TEX11: variants seen among roughly 807,000 people sequenced by gnomAD.
The protein encoded by TEX11 is testis expressed 11, also known as testis-expressed protein 11.
A neutral mutation model predicts 84.4 loss-of-function variants in TEX11; 7 were observed. That is an observed-to-expected ratio of 0.08 (90% CI 0.05 to 0.16). TEX11 has a LOEUF of 0.16. Ranked by LOEUF, TEX11 falls within the 10% of genes least tolerant of loss-of-function variation. TEX11 has a pLI of 1.00. For missense variants in TEX11, 551 were observed against 660.5 expected (o/e 0.83, Z 1.82); for synonymous variants, 264 against 222.8 (o/e 1.18, Z -1.64).
chrX:70,905,045 A>G lies in TEX11; in HGVS notation c.37+2708T>C, dbSNP rs758892515. ...AGGCCGGGTGCAGTGGCTCAAGGCC[A>G]GGAGCAGTGGCTCTCACCTGTAATC... On this transcript the variant is annotated intron_variant, in intron 2 of 29. Coordinates refer to ENST00000374333, the MANE Select transcript of TEX11 (RefSeq NM_031276.3). Among the ~76,000 whole-genome samples the G allele has an allele frequency of 7.1e-5, 8 of 112,405 alleles. No individual in the cohort carries two copies. In the East Asian group the frequency reaches 2.0e-3, roughly 27 times the overall value.
Position 70,860,888 on chromosome X carries a change from G to A in TEX11, c.293C>T (p.Ala98Val). ...CAGTCGTTGAATACTTTGTTCTGAG[G>A]CAAATGAGGCTTCACACATACTCAG... Reference protein sequence around the residue: ...KLLSMCEASFASEQSIQRLIM... With the variant: ...KLLSMCEASFVSEQSIQRLIM... Residue 98 changes from alanine to valine, a missense_variant, in exon 5 of 30, where the codon GCC becomes GTC. Physicochemically the swap from Ala to Val is moderately conservative, Grantham distance 64. Coordinates refer to ENST00000374333, the MANE Select transcript of TEX11 (RefSeq NM_031276.3). 8.4e-7 allele frequency: 1 copy of A among 1,190,961 alleles called. No individual in the cohort carries two copies. Among genetic ancestry groups the A allele is most frequent in the Non-Finnish European group, 1.1e-6 (1 of 886,886 alleles).
downstream of TEX11, among the ~76,000 whole-genome samples, chrX:70,527,295 G>A (rs1306455723): frequency 8.9e-6 from 1 of 112,088 alleles, no homozygotes; most frequent in Admixed American, 9.5e-5. Flanking sequence ...TTACATTGGA[G>A]AGACCTGGCA....
chrX:70,790,031 C>T (rs183745533), intron 9 of TEX11, among the ~76,000 whole-genome samples: 17 of 112,169 alleles, frequency 1.5e-4, no homozygotes, highest in African/African-American at 5.2e-4. Flanking sequence ...AAGTCCAGCA[C>T]GGAGAGTCAA....
chrX:70,515,114 G>T, the TEX11 span, among the ~76,000 whole-genome samples: 3,615 of 110,192 alleles, frequency 0.033, 135 homozygotes, highest in African/African-American at 0.11. Flanking sequence ...AGGACATTTA[G>T]AAATTCTTTT....
intron 28 of TEX11, among the ~76,000 whole-genome samples, chrX:70,538,207 A>G (rs780537703): frequency 5.8e-4 from 65 of 111,555 alleles, no homozygotes; most frequent in African/African-American, 2.0e-3. Context: ...TGGGGGTTGA[A>G]TGAGGTTATG....
At chrX:70,610,579 C>T in intron 20 of TEX11, 36 bp from the exon 21 acceptor site, 3 of 1,144,158 alleles carry the variant, frequency 2.6e-6, no homozygotes, top group Middle Eastern at 2.7e-4. Flanking sequence ...CCAACTGCTC[C>T]AAATCTTTAC....
At chrX:70,818,085 T>C (rs2091299086) in intron 8 of TEX11, among the ~76,000 whole-genome samples, 1 of 110,228 alleles carries the variant, frequency 9.1e-6, no homozygotes, top group South Asian at 3.9e-4. Context: ...ACCCAGGAGA[T>C]CAAGTCCAGC....
At chrX:70,581,588 G>A (rs762508092) in intron 25 of TEX11, among the ~76,000 whole-genome samples, 2 of 110,828 alleles carry the variant, frequency 1.8e-5, no homozygotes, top group South Asian at 3.9e-4. Flanking sequence ...ATAAGCCACC[G>A]CGCCTGGTCC....
intron 11 of TEX11, among the ~76,000 whole-genome samples, chrX:70,737,268 TTAAAAG>T (rs2090702725): frequency 9.0e-6 from 1 of 110,842 alleles, no homozygotes; most frequent in African/African-American, 3.3e-5. Context: ...ATTAATGAAC[TTAAAAG>T]TAATAGCAAT....
chrX:70,561,017 A>G (rs1295964509), intron 25 of TEX11, among the ~76,000 whole-genome samples: 1 of 101,530 alleles, frequency 9.8e-6, no homozygotes, highest in Non-Finnish European at 2.0e-5. Context: ...TCAAAGTGCT[A>G]GGATTATAGT....
chrX:70,823,639 C>T (rs983752502), intron 8 of TEX11, among the ~76,000 whole-genome samples: 5 of 111,350 alleles, frequency 4.5e-5, no homozygotes, highest in African/African-American at 1.6e-4. Context: ...AACCACCCTG[C>T]CATTCCAAAA....
intron 4 of TEX11, among the ~76,000 whole-genome samples, chrX:70,863,701 AG>A (rs2091582625): frequency 9.0e-6 from 1 of 111,570 alleles, no homozygotes; most frequent in Non-Finnish European, 1.9e-5. Context: ...CTCTCCAGCA[AG>A]GGCACAAAAC....
chrX:70,868,184 AAAAC>A (rs1285816855), intron 4 of TEX11, among the ~76,000 whole-genome samples: 5 of 112,044 alleles, frequency 4.5e-5, no homozygotes, highest in East Asian at 2.8e-4. Flanking sequence ...TTACAAGAAA[AAAAC>A]AAACAACCCC....
intron 4 of TEX11, among the ~76,000 whole-genome samples, chrX:70,870,336 A>AT (rs991227294): frequency 3.7e-5 from 4 of 109,472 alleles, no homozygotes; most frequent in Non-Finnish European, 5.7e-5. Flanking sequence ...ATCCTGTAGA[A>AT]TTTTTTTTTG....
the TEX11 span, among the ~76,000 whole-genome samples, chrX:70,514,106 CT>C: frequency 3.7e-5 from 4 of 109,320 alleles, no homozygotes; most frequent in Non-Finnish European, 5.7e-5. Context: ...ATACAGTGAA[CT>C]TGAATTTTTA....
At chrX:70,724,147 C>G (rs377584598) in intron 12 of TEX11, 1 of 752,106 alleles carries the variant, frequency 1.3e-6, no homozygotes. Flanking sequence ...CTCCAATCAT[C>G]TCTCTGGTCT....
intron 7 of TEX11, among the ~76,000 whole-genome samples, chrX:70,836,109 C>CAAAAAAA (rs35496948): frequency 1.4e-5 from 1 of 74,039 alleles, no homozygotes. Flanking sequence ...GACTCTGTCT[C>CAAAAAAA]AAAAAAAAAA....
At chrX:70,602,646 C>G (rs1239402887) in intron 24 of TEX11, among the ~76,000 whole-genome samples, 8 of 107,882 alleles carry the variant, frequency 7.4e-5, no homozygotes, top group Non-Finnish European at 1.3e-4. Context: ...TGGCACAAGA[C>G]AGGGATGCCC....
chrX:70,560,879 A>C (rs2088360181), intron 25 of TEX11, among the ~76,000 whole-genome samples: 1 of 89,102 alleles, frequency 1.1e-5, no homozygotes, highest in African/African-American at 4.4e-5. Flanking sequence ...CCACAGGTGC[A>C]TGCCACCACA....
Sources: gnomAD v4.1 joint callset for allele counts (sites outside exome capture counted in the v4.1 genomes callset) on GRCh38, gnomAD v4.1.1 for gene constraint, MANE v1.5 for transcripts, NCBI Gene and HGNC (gene_info 2026-07-23, HGNC 2026-07-21) for gene names.